WNK3: variants seen among roughly 807,000 people sequenced by gnomAD.
WNK3 encodes the protein serine/threonine-protein kinase WNK3.
In WNK3, 18 loss-of-function variants were observed where a neutral mutation model predicts 116.7. That is an observed-to-expected ratio of 0.15 (90% CI 0.11 to 0.23). The LOEUF (loss-of-function observed/expected upper bound fraction) is 0.23, where lower values mean the gene tolerates loss of function less well. Among genes scored for constraint, WNK3 ranks in the 10% least tolerant of loss-of-function variants. The pLI, the probability that WNK3 is intolerant of heterozygous loss-of-function variation, is 1.00. For missense variants in WNK3, 993 were observed against 1,323.8 expected, an observed-to-expected ratio of 0.75 and a Z score of 3.88; for synonymous variants, 404 against 469.4, an observed-to-expected ratio of 0.86 and a Z score of 1.80.
intron 2 of WNK3, among the ~76,000 whole-genome samples, chrX:54,315,803 A>AG (rs1236561490): frequency 2.7e-5 from 3 of 111,822 alleles, no homozygotes; most frequent in Admixed American, 9.6e-5. Flanking sequence ...TGATTTACTC[A>AG]GGGGAGCCCT....
chrX:54,275,415 A>ATGTGTGTG (rs782672834), intron 10 of WNK3, among the ~76,000 whole-genome samples: 2,359 of 64,301 alleles, frequency 0.037, 123 homozygotes, highest in Non-Finnish European at 0.044. Context: ...ATAAGTTCAT[A>ATGTGTGTG]TGTGTGTGTG....
Position 54,306,158 on chromosome X carries a change from T to G in WNK3, c.1089+1764A>C, listed in dbSNP as rs145546215. 2.1e-3 allele frequency among the ~76,000 whole-genome samples: 236 copies of G among 111,730 alleles called. 1 individual carries two copies. The highest frequency in any genetic ancestry group is 7.2e-3 in the African/African-American group (221 of 30,828). Reference sequence around the variant, plus strand: ...TTATCGAAAAGATGAAAGATAAGTGTTGGTGAGGATGCAGAGAAAAGGGAA... The same window carrying G: ...TTATCGAAAAGATGAAAGATAAGTGGTGGTGAGGATGCAGAGAAAAGGGAA... On this transcript the variant is annotated intron_variant, in intron 5 of 23. Transcript: ENST00000354646.
At chrX:54,340,761 A>C (rs2069311621) in intron 1 of WNK3, among the ~76,000 whole-genome samples, 1 of 112,454 alleles carries the variant, frequency 8.9e-6, no homozygotes, top group Non-Finnish European at 1.9e-5. Context: ...CTTATTGTGG[A>C]AATGCAAATC....
At chrX:54,319,337 A>G (rs782189416) in intron 2 of WNK3, among the ~76,000 whole-genome samples, 136 of 109,709 alleles carry the variant, frequency 1.2e-3, no homozygotes, top group African/African-American at 4.1e-3. Flanking sequence ...TGATTTTTGT[A>G]TTTTTTGTAA....
chrX:54,231,881 T>A (rs1557148978), intron 21 of WNK3, among the ~76,000 whole-genome samples: 2 of 110,781 alleles, frequency 1.8e-5, no homozygotes, highest in African/African-American at 3.3e-5. Context: ...TATGCACATA[T>A]AACCAAAGAG....
intron 10 of WNK3, among the ~76,000 whole-genome samples, chrX:54,279,116 T>TAAA (rs2068485536): frequency 9.2e-6 from 1 of 108,282 alleles, no homozygotes; most frequent in African/African-American, 3.3e-5. Context: ...ATAAAAACAT[T>TAAA]AACATAGATC....
intron 11 of WNK3, among the ~76,000 whole-genome samples, chrX:54,258,264 T>G (rs1603383652): frequency 5.2e-5 from 4 of 76,451 alleles, no homozygotes; most frequent in Non-Finnish European, 7.1e-5. Context: ...GGCAATAGAG[T>G]GAGACTCCAT....
intron 10 of WNK3, among the ~76,000 whole-genome samples, chrX:54,268,262 G>A (rs184748032): frequency 3.2e-4 from 36 of 111,219 alleles, no homozygotes; most frequent in African/African-American, 1.0e-3. Context: ...CGAGGGGATC[G>A]CTTGAGCCCA....
At chrX:54,217,520 G>A (rs1747370472) in intron 22 of WNK3, among the ~76,000 whole-genome samples, 1 of 108,928 alleles carries the variant, frequency 9.2e-6, no homozygotes, top group Non-Finnish European at 1.9e-5. Flanking sequence ...TACTCATAAG[G>A]CTGAGGCAGG....
chrX:54,356,472 G>A (rs1382755382), intron 1 of WNK3, among the ~76,000 whole-genome samples: 1 of 110,857 alleles, frequency 9.0e-6, no homozygotes, highest in Middle Eastern at 4.2e-3. Context: ...CACCACGCCC[G>A]GCTAAGCTTT....
rs183527460 is a variant in WNK3, at chrX:54,240,482, T to A, written c.3652-1383A>T. 8.9e-5 allele frequency among the ~76,000 whole-genome samples: 10 copies of A among 111,824 alleles called. No individual in the cohort carries two copies. In the Admixed American group the frequency reaches 9.5e-4, roughly 11 times the overall value. On this transcript the variant is annotated intron_variant, in intron 17 of 23. Transcript: ENST00000354646. ...TTAGAAAATGTTACATTGGTCCCAC[T>A]GAAATTACAGAAAAGAATTTTAATA...
chrX:54,357,234 CA>C (rs1557179524), intron 1 of WNK3, among the ~76,000 whole-genome samples: 1 of 110,261 alleles, frequency 9.1e-6, no homozygotes, highest in Non-Finnish European at 1.9e-5. Flanking sequence ...CTTAAGTGAT[CA>C]CTCAGTCCTT....
chrX:54,326,835 A>C (rs2069111363), intron 2 of WNK3, among the ~76,000 whole-genome samples: 1 of 110,265 alleles, frequency 9.1e-6, no homozygotes, highest in Non-Finnish European at 1.9e-5. Flanking sequence ...AAATACAAAA[A>C]ATTAGCTAGG....
exon 24 of WNK3, chrX:54,197,859 G>C (rs2067460056): frequency 9.1e-6 from 1 of 110,385 alleles, no homozygotes; most frequent in Admixed American, 9.9e-5. Context: ...CTGGCTGATG[G>C]AGGGTCTCAG....
intron 1 of WNK3, among the ~76,000 whole-genome samples, chrX:54,352,002 C>A (rs2069522850): frequency 1.8e-5 from 2 of 111,757 alleles, no homozygotes; most frequent in South Asian, 7.4e-4. Context: ...TGATTAGGGT[C>A]TAGTATCTAG....
chrX:54,204,092 C>T (rs782376240), intron 22 of WNK3, among the ~76,000 whole-genome samples: 23 of 111,845 alleles, frequency 2.1e-4, no homozygotes, highest in Admixed American at 1.6e-3. Flanking sequence ...CCCTGTGCTA[C>T]TGAAAATTTA....
chrX:54,293,239 C>T (rs782195297), exon 9 of WNK3: 10 of 1,210,677 alleles, frequency 8.3e-6, no homozygotes, highest in Admixed American at 2.2e-5. Context: ...GAGAGCCCAT[C>T]GTTTGATTTG....
chrX:54,241,827 G>A (rs1396687327), intron 17 of WNK3, among the ~76,000 whole-genome samples: 1 of 109,415 alleles, frequency 9.1e-6, no homozygotes, highest in Non-Finnish European at 1.9e-5. Flanking sequence ...AGTGGTGAGC[G>A]CCTGTAATCC....
exon 24 of WNK3, chrX:54,198,490 G>T (rs781877129): frequency 1.7e-6 from 2 of 1,165,377 alleles, no homozygotes; most frequent in East Asian, 6.0e-5. Context: ...CCCCGCCCCC[G>T]CCACAGCATT....
Sources: allele counts gnomAD v4.1 joint callset (sites outside exome capture counted in the v4.1 genomes callset), GRCh38; gene constraint gnomAD v4.1.1; transcripts MANE v1.5; gene names NCBI Gene and HGNC (gene_info 2026-07-23, HGNC 2026-07-21).